The following XKR6 variants were observed in gnomAD, a reference collection of about 807,000 sequenced individuals.
XKR6 encodes XK related 6.
Under a neutral mutation model 56.7 loss-of-function variants are expected in XKR6, and 22 were observed. That is an observed-to-expected ratio of 0.39 (90% confidence interval 0.28 to 0.55). XKR6 has a LOEUF of 0.55. XKR6 is among the 20% of genes least tolerant of loss of function. XKR6 has a pLI of 0.66. For synonymous variants in XKR6, 524 were observed against 387.8 expected (o/e 1.35, Z -4.13); for missense variants, 852 against 889.0 (o/e 0.96, Z 0.53).
intron 1 of XKR6, among the ~76,000 whole-genome samples, chr8:11,116,712 A>G (rs1171180672): frequency 6.6e-6 from 1 of 152,162 alleles, no homozygotes; most frequent in Non-Finnish European, 1.5e-5. Flanking sequence ...AGCAGCTGAG[A>G]GGTTTCATTC....
intron 1 of XKR6, among the ~76,000 whole-genome samples, chr8:10,936,088 G>A (rs1432458729): frequency 3.9e-4 from 58 of 150,178 alleles, no homozygotes; most frequent in African/African-American, 1.3e-3. Flanking sequence ...GTGCTCCTGT[G>A]TTGGGTGCAT....
At chr8:11,049,666 TG>T (rs1799496294) in intron 1 of XKR6, among the ~76,000 whole-genome samples, 1 of 152,078 alleles carries the variant, frequency 6.6e-6, no homozygotes, top group Non-Finnish European at 1.5e-5. Context: ...CACCTCCCCG[TG>T]GGCTGGCAGG....
chr8:11,020,032 A>T (rs1389608914), intron 1 of XKR6, among the ~76,000 whole-genome samples: 1 of 152,188 alleles, frequency 6.6e-6, no homozygotes, highest in Non-Finnish European at 1.5e-5. Context: ...TCCAAGGAAC[A>T]GCGGGACCTG....
At chr8:10,919,236 G>C (rs777934845) in intron 2 of XKR6, among the ~76,000 whole-genome samples, 3 of 152,160 alleles carry the variant, frequency 2.0e-5, no homozygotes, top group Non-Finnish European at 4.4e-5. Context: ...CCAGAAGGCT[G>C]TCTCTTTTCT....
intron 1 of XKR6, among the ~76,000 whole-genome samples, chr8:11,084,412 T>C (rs112404225): frequency 1.2e-4 from 18 of 152,330 alleles, no homozygotes; most frequent in African/African-American, 3.6e-4. Flanking sequence ...AATTCAGATA[T>C]GATTTATACC....
intron 1 of XKR6, among the ~76,000 whole-genome samples, chr8:11,098,288 C>T (rs1452892368): frequency 1.3e-5 from 2 of 151,960 alleles, no homozygotes; most frequent in Non-Finnish European, 2.9e-5. Flanking sequence ...CACAGGCGCG[C>T]GCGCACACAC....
At chr8:11,040,617 A>G (rs1279797165) in intron 1 of XKR6, among the ~76,000 whole-genome samples, 5 of 152,138 alleles carry the variant, frequency 3.3e-5, no homozygotes, top group East Asian at 1.9e-4. Context: ...GGAGTCCAAG[A>G]TGAAGGCAGA....
intron 1 of XKR6, among the ~76,000 whole-genome samples, chr8:11,118,904 G>T (rs187551786): frequency 2.6e-5 from 4 of 152,084 alleles, no homozygotes; most frequent in Admixed American, 2.6e-4. Flanking sequence ...TGATGTTAGG[G>T]TGTCAATTTT....
At chr8:11,163,599 C>G (rs1457641394) in intron 1 of XKR6, among the ~76,000 whole-genome samples, 1 of 152,140 alleles carries the variant, frequency 6.6e-6, no homozygotes, top group African/African-American at 2.4e-5. Flanking sequence ...TAGTGAATAA[C>G]AAAATATGCA....
chr8:10,975,368 C>T (rs964148736), intron 1 of XKR6, among the ~76,000 whole-genome samples: 32 of 152,212 alleles, frequency 2.1e-4, no homozygotes, highest in African/African-American at 7.5e-4. Context: ...AAAACAAGTC[C>T]AGTGTCCTCC....
chr8:10,964,370 A>G (rs763408165), intron 1 of XKR6, among the ~76,000 whole-genome samples: 2 of 152,158 alleles, frequency 1.3e-5, no homozygotes, highest in Non-Finnish European at 2.9e-5. Flanking sequence ...GATGACATGG[A>G]GCCTTCTTTG....
At chr8:10,954,320 C>T (rs575137182) in intron 1 of XKR6, among the ~76,000 whole-genome samples, 16 of 152,356 alleles carry the variant, frequency 1.1e-4, no homozygotes, top group Admixed American at 6.5e-4. Flanking sequence ...ACATCCTTGT[C>T]AACACTTGTT....
At chr8:10,915,495 T>A (rs764058458) in intron 2 of XKR6, among the ~76,000 whole-genome samples, 1 of 123,696 alleles carries the variant, frequency 8.1e-6, no homozygotes, top group Non-Finnish European at 1.7e-5. Flanking sequence ...TGAGTTTGCC[T>A]TTCTCCTGTT....
At chr8:11,020,270 G>A (rs913169376) in intron 1 of XKR6, among the ~76,000 whole-genome samples, 1 of 152,128 alleles carries the variant, frequency 6.6e-6, no homozygotes, top group Non-Finnish European at 1.5e-5. Context: ...GTAGGAAGCC[G>A]ACACCGTCTG....
chr8:11,128,431 T>G (rs1000470298), intron 1 of XKR6, among the ~76,000 whole-genome samples: 4 of 152,202 alleles, frequency 2.6e-5, no homozygotes, highest in Non-Finnish European at 4.4e-5. Context: ...TCATCACAAC[T>G]GCCTATTTGA....
chr8:10,923,113 G>A (rs1800770101), intron 2 of XKR6, among the ~76,000 whole-genome samples: 1 of 152,230 alleles, frequency 6.6e-6, no homozygotes, highest in Non-Finnish European at 1.5e-5. Context: ...TACCCCTCCT[G>A]CTTCTGTGGG....
Position 10,898,186 on chromosome 8 carries a change from T to C in XKR6, c.1692A>G (p.Gln564=). ...LTADTCLPVF[Q]VRPMGPPTPL... ...GGGTAGGGGGCCCCATGGGTCTCACTTGGAAAACAGGCAAGCAAGTGTCAG... is the reference window on the plus strand; with the variant it reads ...GGGTAGGGGGCCCCATGGGTCTCACCTGGAAAACAGGCAAGCAAGTGTCAG... The change falls in exon 3 of 3, where the codon CAA becomes CAG. Residue 564 remains glutamine, a synonymous_variant. Coordinates refer to ENST00000416569, the MANE Select transcript of XKR6 (RefSeq NM_173683.4). This position sits in a 1 kb window ranked among gnomAD's most constrained non-coding sequence, Gnocchi z 6.6. 5 of 1,614,122 alleles carry C rather than the reference T, an allele frequency of 3.1e-6. No individual in the cohort carries two copies. The highest frequency in any genetic ancestry group is 4.2e-6 in the Non-Finnish European group (5 of 1,180,006).
At chr8:11,091,878 C>A (rs1022811202) in intron 1 of XKR6, among the ~76,000 whole-genome samples, 1 of 152,200 alleles carries the variant, frequency 6.6e-6, no homozygotes, top group Non-Finnish European at 1.5e-5. Context: ...ACACCCAGCA[C>A]AATGCCAAGG....
chr8:11,161,014 T>C (rs1278510379), intron 1 of XKR6, among the ~76,000 whole-genome samples: 1 of 151,816 alleles, frequency 6.6e-6, no homozygotes, highest in African/African-American at 2.4e-5. Context: ...GTTGTGAATA[T>C]GGGCCCTTCT....
Sources: allele counts gnomAD v4.1 joint callset (sites outside exome capture counted in the v4.1 genomes callset), GRCh38; gene constraint gnomAD v4.1.1; non-coding constraint Gnocchi (gnomAD v3.1); transcripts MANE v1.5; gene names NCBI Gene and HGNC (gene_info 2026-07-23, HGNC 2026-07-21).